The following ACTR3C variants were observed in gnomAD, a reference collection of about 807,000 sequenced individuals.
The protein encoded by ACTR3C is actin related protein 3C.
Under a neutral mutation model 26.3 loss-of-function variants are expected in ACTR3C, and 18 were observed. That is an observed-to-expected ratio of 0.68 (90% CI 0.47 to 1.01). The LOEUF (loss-of-function observed/expected upper bound fraction) is 1.01. ACTR3C is among the 50% of genes least tolerant of loss of function. The probability of loss-of-function intolerance (pLI) is 0.00; values close to 1 mark genes in which losing one functional copy is unlikely to be tolerated. For missense variants in ACTR3C, 184 were observed against 250.7 expected, an observed-to-expected ratio of 0.73 and a Z score of 1.80; for synonymous variants, 55 against 94.5, an observed-to-expected ratio of 0.58 and a Z score of 2.42.
the ACTR3C span, among the ~76,000 whole-genome samples, chr7:149,957,330 A>G: frequency 6.6e-6 from 1 of 152,172 alleles, no homozygotes; most frequent in African/African-American, 2.4e-5. Context: ...ACCAATGTCA[A>G]CTTGCCAGGA....
the ACTR3C span, among the ~76,000 whole-genome samples, chr7:150,095,292 A>C: frequency 4.0e-5 from 6 of 150,028 alleles, no homozygotes; most frequent in Admixed American, 2.0e-4. Context: ...TTCTCTGTGG[A>C]GCTCCCAACA....
the ACTR3C span, among the ~76,000 whole-genome samples, chr7:150,097,034 A>C: frequency 1.3e-5 from 2 of 152,222 alleles, no homozygotes; most frequent in Non-Finnish European, 2.9e-5. Context: ...AATATTCAGG[A>C]GGAATAGTCA....
At chr7:149,945,195 G>A in the ACTR3C span, among the ~76,000 whole-genome samples, 2 of 152,022 alleles carry the variant, frequency 1.3e-5, no homozygotes, top group African/African-American at 4.8e-5. Context: ...CACTGATGTG[G>A]TCCCAACTGG....
At chr7:150,292,786 C>T (rs1165122992) in intron 3 of ACTR3C, among the ~76,000 whole-genome samples, 2 of 152,072 alleles carry the variant, frequency 1.3e-5, no homozygotes, top group African/African-American at 2.4e-5. Flanking sequence ...CGTGAGCCAC[C>T]GCGCCCAGCC....
chr7:149,926,534 C>G, the ACTR3C span, among the ~76,000 whole-genome samples: 1 of 152,212 alleles, frequency 6.6e-6, no homozygotes, highest in African/African-American at 2.4e-5. Context: ...ACCTTGGGCC[C>G]TGAGTCTCTG....
At chr7:149,928,263 T>A in the ACTR3C span, among the ~76,000 whole-genome samples, 2 of 150,188 alleles carry the variant, frequency 1.3e-5, no homozygotes, top group Non-Finnish European at 3.0e-5. Context: ...AGTGGCGCGA[T>A]CTCAGCTCAC....
the ACTR3C span, among the ~76,000 whole-genome samples, chr7:149,933,591 A>C: frequency 6.6e-6 from 1 of 152,232 alleles, no homozygotes; most frequent in Non-Finnish European, 1.5e-5. Flanking sequence ...TGAGCAAGTA[A>C]AATAATTGAA....
At chr7:150,047,680 C>T in the ACTR3C span, 1 of 1,085,406 alleles carries the variant, frequency 9.2e-7, no homozygotes, top group East Asian at 5.1e-5. Flanking sequence ...CCGCCGCCGC[C>T]GCCGCCGCGC....
intron 6 of ACTR3C, among the ~76,000 whole-genome samples, chr7:150,259,080 C>G (rs1266476971): frequency 6.6e-6 from 1 of 151,762 alleles, no homozygotes; most frequent in East Asian, 1.9e-4. Flanking sequence ...TATTAATTCT[C>G]TCACCCTCCT....
chr7:150,055,895 G>A, the ACTR3C span, among the ~76,000 whole-genome samples: 2 of 152,098 alleles, frequency 1.3e-5, no homozygotes, highest in Admixed American at 1.3e-4. Context: ...AAAAAATCCT[G>A]TCCTTAATTA....
the ACTR3C span, among the ~76,000 whole-genome samples, chr7:149,981,933 C>T: frequency 3.9e-5 from 6 of 152,250 alleles, no homozygotes; most frequent in Admixed American, 6.5e-5. Flanking sequence ...CCTTCCTCCA[C>T]TGCTGCCTCA....
At chr7:150,263,401 A>G (rs1584865930) in intron 6 of ACTR3C, among the ~76,000 whole-genome samples, 1 of 152,076 alleles carries the variant, frequency 6.6e-6, no homozygotes, top group African/African-American at 2.4e-5. Context: ...TGCTATTAAG[A>G]GAATTGTTGG....
downstream of ACTR3C, chr7:150,244,387 T>C (rs1187800282): frequency 1.3e-5 from 2 of 151,690 alleles, no homozygotes; most frequent in Admixed American, 1.3e-4. Context: ...CATTCATTGA[T>C]AGATCTCTCT....
chr7:150,152,903 C>T, the ACTR3C span, among the ~76,000 whole-genome samples: 4 of 152,172 alleles, frequency 2.6e-5, no homozygotes, highest in African/African-American at 9.7e-5. Context: ...TCCATTTCTT[C>T]TAGATTTCTA....
At chr7:149,912,973 T>A in the ACTR3C span, among the ~76,000 whole-genome samples, 1 of 152,222 alleles carries the variant, frequency 6.6e-6, no homozygotes, top group African/African-American at 2.4e-5. Flanking sequence ...TCAAATACAC[T>A]TGAAGTTTTG....
At chr7:150,009,455 G>A in the ACTR3C span, among the ~76,000 whole-genome samples, 1 of 152,160 alleles carries the variant, frequency 6.6e-6, no homozygotes, top group Non-Finnish European at 1.5e-5. Flanking sequence ...TCTCAGGATG[G>A]GATGTCACTC....
At chr7:150,090,116 A>T in the ACTR3C span, among the ~76,000 whole-genome samples, 2 of 152,252 alleles carry the variant, frequency 1.3e-5, no homozygotes, top group Admixed American at 6.5e-5. Flanking sequence ...TTTATAGTTT[A>T]AAACAAAATA....
chr7:150,166,884 A>G, the ACTR3C span, among the ~76,000 whole-genome samples: 1 of 150,392 alleles, frequency 6.6e-6, no homozygotes, highest in African/African-American at 2.5e-5. Context: ...GCTCCTAAAT[A>G]TGAGTGAGAT....
At chr7:150,004,560 G>A in the ACTR3C span, 3 of 152,194 alleles carry the variant, frequency 2.0e-5, no homozygotes, top group Admixed American at 1.3e-4. Flanking sequence ...AATATAGTCC[G>A]AAAAAATCGC....
Sources: allele counts gnomAD v4.1 joint callset (sites outside exome capture counted in the v4.1 genomes callset), GRCh38; gene constraint gnomAD v4.1.1; transcripts MANE v1.5; gene names NCBI Gene and HGNC (gene_info 2026-07-23, HGNC 2026-07-21).